Variants in KTN1 observed in about 807,000 individuals in gnomAD.
The protein encoded by KTN1 is kinectin.
KTN1 carries 130 observed loss-of-function variants against 222.5 expected under a neutral mutation model. The observed-to-expected ratio is 0.58, with a 90% CI of 0.51 to 0.68. KTN1 has a LOEUF of 0.68. Among genes scored for constraint, KTN1 ranks in the 30% least tolerant of loss-of-function variants. The probability of loss-of-function intolerance (pLI) is 0.00; values close to 1 mark genes in which losing one functional copy is unlikely to be tolerated. For missense variants in KTN1, 1,508 were observed against 1,500.4 expected, an observed-to-expected ratio of 1.01 and a Z score of -0.08; for synonymous variants, 512 against 496.3, an observed-to-expected ratio of 1.03 and a Z score of -0.42.
chr14:55,615,260 C>T (rs2140675457), intron 2 of KTN1, among the ~76,000 whole-genome samples: 1 of 152,150 alleles, frequency 6.6e-6, no homozygotes, highest in South Asian at 2.1e-4. Context: ...AGTACATTCA[C>T]ATTCTTATAT....
At chr14:55,618,678 C>G (rs1224406590) in intron 4 of KTN1, among the ~76,000 whole-genome samples, 1 of 152,126 alleles carries the variant, frequency 6.6e-6, no homozygotes, top group Non-Finnish European at 1.5e-5. Context: ...GTGCTTGATG[C>G]ATGGATTTTT....
chr14:55,639,334 C>A, intron 13 of KTN1, 112 bp downstream of exon 13: 1 of 609,428 alleles, frequency 1.6e-6, no homozygotes, highest in African/African-American at 1.9e-5. Flanking sequence ...TCAGAAAATA[C>A]TCTGAACTAG....
At position 55,612,193 on chromosome 14, in the gene KTN1, C is replaced by G. The variant is rs140896184; in HGVS notation, c.145C>G (p.Pro49Ala). The G allele has an allele frequency of 1.7e-4, 275 of 1,583,896 alleles. No individual in the cohort carries two copies. Among genetic ancestry groups the G allele is most frequent in the Non-Finnish European group, 2.3e-4 (264 of 1,172,064 alleles). ...ACAGAAAAGAGAACAAAAGCTTATTCCTACCAAAACAGATAAAAAGAAAGC... is the reference window on the plus strand; with the variant it reads ...ACAGAAAAGAGAACAAAAGCTTATTGCTACCAAAACAGATAAAAAGAAAGC... ...AKQKREQKLI[P>A]TKTDKKKAEK... Residue 49 changes from proline to alanine, a missense_variant, in exon 2 of 44, where the codon CCT becomes GCT. Physicochemically the swap from Pro to Ala is conservative, Grantham distance 27. Transcript: ENST00000395314.
intron 1 of KTN1, among the ~76,000 whole-genome samples, chr14:55,583,530 G>A (rs904103672): frequency 2.6e-5 from 4 of 152,192 alleles, no homozygotes; most frequent in African/African-American, 9.7e-5. Flanking sequence ...TACACTAAAT[G>A]TAATTTGTTT....
chr14:55,659,793 A>G, intron 31 of KTN1, 90 bp downstream of exon 31: 1 of 746,160 alleles, frequency 1.3e-6, no homozygotes, highest in Non-Finnish European at 2.4e-6. Context: ...GTGTAACTGC[A>G]AATGGCACCT....
intron 29 of KTN1, among the ~76,000 whole-genome samples, chr14:55,658,267 G>A (rs531456789): frequency 3.9e-5 from 6 of 152,168 alleles, no homozygotes; most frequent in Admixed American, 3.9e-4. Context: ...CTAGAGTTGA[G>A]GTTGATTTGA....
chr14:55,670,552 G>T (rs2045348418), intron 34 of KTN1, among the ~76,000 whole-genome samples, 177 bp from the exon 35 acceptor site: 1 of 151,944 alleles, frequency 6.6e-6, no homozygotes, highest in Admixed American at 6.6e-5. Flanking sequence ...TTCAAAGTGG[G>T]TTATGTCCAA....
At chr14:55,650,920 A>T (rs190540125) in intron 24 of KTN1, among the ~76,000 whole-genome samples, 91 of 152,164 alleles carry the variant, frequency 6.0e-4, no homozygotes, top group African/African-American at 2.1e-3. Context: ...CAGTTTGGCA[A>T]TTTTTTTAAT....
intron 41 of KTN1, among the ~76,000 whole-genome samples, chr14:55,676,521 C>T (rs187581539): frequency 6.6e-6 from 1 of 152,160 alleles, no homozygotes. Context: ...ATTAGCAAAA[C>T]AAGTGTCACT....
chr14:55,667,248 A>C lies in KTN1; in HGVS notation c.3185A>C (p.Gln1062Pro). The change falls in exon 34 of 44, where the codon CAG becomes CCG. Residue 1062 changes from glutamine to proline, a missense_variant. By Grantham distance (76) the Gln-to-Pro change is moderately conservative. Transcript: ENST00000395314. ...DKVNKTSKER[Q>P]QQVEAVELEA... ...GCTCATCTTCTGCTTTAGGAAAGGC[A>C]GCAACAGGTGGAAGCTGTTGAGTTG... 6.3e-7 allele frequency: 1 copy of C among 1,594,992 alleles called. No individual in the cohort carries two copies. The highest frequency in any genetic ancestry group is 8.6e-7 in the Non-Finnish European group (1 of 1,169,086).
chr14:55,605,607 A>G (rs1407784942), intron 1 of KTN1, among the ~76,000 whole-genome samples: 1 of 152,030 alleles, frequency 6.6e-6, no homozygotes, highest in Non-Finnish European at 1.5e-5. Context: ...GTGAGAAGAA[A>G]CTCATGGATA....
chr14:55,647,049 C>G lies in KTN1; in HGVS notation c.2207+42C>G, dbSNP rs2042436863. 4 of 1,190,692 alleles carry G rather than the reference C, an allele frequency of 3.4e-6. No individual in the cohort carries two copies. The African/African-American group carries it at 4.6e-5, about 14-fold the overall frequency. 73.8% of individuals were successfully genotyped at this position (1,190,692 alleles called of 1,614,324 possible). ...CTTTTTATATTTTGATGAGTTACTT[C>G]TACCAAATTAACTACATTAATTAGA... On this transcript the variant is annotated intron_variant, in intron 19 of 43. Transcript: ENST00000395314.
At chr14:55,645,484 A>G (rs2042196328) in intron 18 of KTN1, among the ~76,000 whole-genome samples, 1 of 152,216 alleles carries the variant, frequency 6.6e-6, no homozygotes, top group South Asian at 2.1e-4. Flanking sequence ...AACTAAAGGT[A>G]CAATACAGTA....
chr14:55,612,423 T>G lies in KTN1; in HGVS notation c.375T>G (p.Leu125=). The G allele has an allele frequency of 6.2e-7, 1 of 1,614,080 alleles. No homozygotes were observed. The highest frequency in any genetic ancestry group is 8.5e-7 in the Non-Finnish European group (1 of 1,179,990). Reference sequence around the variant, plus strand: ...AGGAAAAGAAACAAAAGCCTGTGCTTGAAGAGCAGGTCATCAAAGAAAGTG... The same window carrying G: ...AGGAAAAGAAACAAAAGCCTGTGCTGGAAGAGCAGGTCATCAAAGAAAGTG... The part of the protein sequence containing the change: ...KKKEKKQKPV[L]EEQVIKESDA... The change falls in exon 2 of 44, where the codon CTT becomes CTG. Residue 125 remains leucine (L), a synonymous_variant. Transcript: ENST00000395314.
chr14:55,648,735 G>A (rs2042640398), intron 20 of KTN1, 67 bp from the exon 21 acceptor site: 2 of 1,016,392 alleles, frequency 2.0e-6, no homozygotes, highest in Middle Eastern at 2.3e-4. Flanking sequence ...AGAAACTAAT[G>A]TATTTTGAAG....
chr14:55,673,226 G>A lies in KTN1; in HGVS notation c.3742G>A (p.Ala1248Thr), dbSNP rs1595286044. 6.2e-7 allele frequency: 1 copy of A among 1,612,646 alleles called. No individual in the cohort carries two copies. The highest frequency in any genetic ancestry group is 1.1e-5 in the South Asian group (1 of 90,990). Residue 1248 changes from alanine (A) to threonine (T), a missense_variant, in exon 40 of 44, where the codon GCA becomes ACA. Physicochemically the swap from Ala to Thr is moderately conservative, Grantham distance 58. Coordinates refer to ENST00000395314, the MANE Select transcript of KTN1 (RefSeq NM_001079521.2). ...AAAACTTGATGATTCATATTCTGAA[G>A]CAGTAAGACAGAATGAAGAGCTAAA... Reference protein sequence around the residue: ...QKKLDDSYSEAVRQNEELNLL... With the variant: ...QKKLDDSYSETVRQNEELNLL...
At chr14:55,644,359 A>AT (rs1170572347) in intron 18 of KTN1, 1 of 701,914 alleles carries the variant, frequency 1.4e-6, no homozygotes, top group East Asian at 2.7e-5. Context: ...GGAGGAAAAG[A>AT]TTGAGCGTAT....
intron 25 of KTN1, among the ~76,000 whole-genome samples, chr14:55,652,310 C>T (rs1281358213): frequency 2.0e-5 from 3 of 151,592 alleles, no homozygotes; most frequent in African/African-American, 7.3e-5. Flanking sequence ...CTAACTTACT[C>T]ATGTCTGGAT....
chr14:55,683,314 A>C (rs2046525726), intron 43 of KTN1: 2 of 152,162 alleles, frequency 1.3e-5, no homozygotes, highest in South Asian at 4.1e-4. Flanking sequence ...AGAATAGTAC[A>C]ACACCCGTAA....
Sources: gnomAD v4.1 joint callset for allele counts (sites outside exome capture counted in the v4.1 genomes callset) on GRCh38, gnomAD v4.1.1 for gene constraint, MANE v1.5 for transcripts, NCBI Gene and HGNC (gene_info 2026-07-23, HGNC 2026-07-21) for gene names.